Variants in RGS9 observed in about 807,000 individuals in gnomAD.
RGS9 encodes the protein regulator of G-protein signalling 9.
RGS9 carries 78 observed loss-of-function variants against 102.0 expected under a neutral mutation model. The observed-to-expected ratio is 0.76, with a 90% CI of 0.64 to 0.92. The LOEUF is 0.92. Among genes scored for constraint, RGS9 ranks in the 40% least tolerant of loss-of-function variants. The probability of loss-of-function intolerance (pLI) is 0.00; values close to 1 mark genes in which losing one functional copy is unlikely to be tolerated. For synonymous variants in RGS9, 353 were observed against 318.6 expected (o/e 1.11, Z -1.15); for missense variants, 833 against 866.1 (o/e 0.96, Z 0.48).
chr17:65,153,392 C>A, intron 1 of RGS9, 30 bp from the exon 2 acceptor site: 1 of 1,583,528 alleles, frequency 6.3e-7, no homozygotes, highest in Admixed American at 1.7e-5. Flanking sequence ...TTGTTCTCGT[C>A]AGTCGGCTTT....
chr17:65,157,009 C>A (rs1910791973), intron 2 of RGS9, among the ~76,000 whole-genome samples: 1 of 152,146 alleles, frequency 6.6e-6, no homozygotes, highest in African/African-American at 2.4e-5. Flanking sequence ...GTTGTCTACA[C>A]CCAGCCATGG....
chr17:65,175,942 G>A (rs1300160339), intron 8 of RGS9, among the ~76,000 whole-genome samples: 4 of 152,128 alleles, frequency 2.6e-5, no homozygotes, highest in Non-Finnish European at 5.9e-5. Flanking sequence ...GAAATTATTT[G>A]CCATTTATCT....
intron 14 of RGS9, 130 bp from the exon 15 acceptor site, chr17:65,204,033 C>A: frequency 2.0e-6 from 2 of 1,014,994 alleles, no homozygotes; most frequent in Non-Finnish European, 1.5e-6. Context: ...TCTTTAGTGT[C>A]TCCTAAAAAA....
intron 13 of RGS9, among the ~76,000 whole-genome samples, chr17:65,201,480 C>T (rs542958997): frequency 2.7e-4 from 41 of 152,330 alleles, no homozygotes; most frequent in African/African-American, 2.9e-4. Flanking sequence ...GAAGAACTCA[C>T]GCTCAGTCAT....
chr17:65,215,152 A>G (rs979240085), intron 17 of RGS9, among the ~76,000 whole-genome samples: 10 of 152,118 alleles, frequency 6.6e-5, no homozygotes, highest in Non-Finnish European at 1.2e-4. Context: ...CGAGTTAAGA[A>G]GTGGTTGCTG....
At chr17:65,158,051 G>A (rs1283313444) in intron 2 of RGS9, among the ~76,000 whole-genome samples, 4 of 152,144 alleles carry the variant, frequency 2.6e-5, no homozygotes, top group African/African-American at 9.7e-5. Context: ...GTGTATGTAT[G>A]TGTGGGCTGG....
rs751958928 is a variant in RGS9 at position 65,227,611 on chromosome 17, C to A, written c.*204C>A. The A allele has an allele frequency of 1.1e-4, 70 of 658,894 alleles. No homozygotes were observed. The highest frequency in any genetic ancestry group is 1.7e-4 in the Non-Finnish European group (66 of 380,948). 40.8% of individuals were successfully genotyped at this position (658,894 alleles called of 1,614,324 possible). ...CCAACTCCTTCTCCTCTTCCTGACC[C>A]TCCCTCCCCTGGGCAGAAGAAACGC... On this transcript the variant is annotated 3_prime_UTR_variant, in exon 19 of 19. Transcript: ENST00000262406.
At chr17:65,164,779 C>T (rs927470362) in intron 7 of RGS9, among the ~76,000 whole-genome samples, 10 of 152,120 alleles carry the variant, frequency 6.6e-5, no homozygotes, top group African/African-American at 2.2e-4. Context: ...ACATTTGAGG[C>T]GAAACAACAC....
chr17:65,212,467 G>A lies in RGS9; in HGVS notation c.1407+1862G>A, dbSNP rs56355210. On this transcript the variant is annotated intron_variant, in intron 17 of 18. Coordinates refer to ENST00000262406, the MANE Select transcript of RGS9 (RefSeq NM_003835.4). ...AAAGAGTTGGCCATAAGAGCATGTG[G>A]ACCAGGCAGGGAGAACGTTCTGGGG... 2.2e-3 allele frequency among the ~76,000 whole-genome samples: 332 copies of A among 152,326 alleles called. 1 individual carries two copies. Among genetic ancestry groups the A allele is most frequent in the African/African-American group, 7.7e-3 (321 of 41,572 alleles).
intron 1 of RGS9, among the ~76,000 whole-genome samples, chr17:65,142,336 T>C (rs1910188601): frequency 6.6e-6 from 1 of 152,238 alleles, no homozygotes; most frequent in African/African-American, 2.4e-5. Flanking sequence ...CAGAGTTTGA[T>C]GGCTTCTGTG....
chr17:65,145,850 G>A (rs1910338301), intron 1 of RGS9, among the ~76,000 whole-genome samples: 1 of 150,874 alleles, frequency 6.6e-6, no homozygotes, highest in African/African-American at 2.5e-5. Context: ...ACGCCTCAGA[G>A]GAATTTGTAC....
intron 1 of RGS9, among the ~76,000 whole-genome samples, chr17:65,145,125 C>T (rs1031819673): frequency 6.6e-6 from 1 of 152,300 alleles, no homozygotes; most frequent in African/African-American, 2.4e-5. Context: ...GAGTCTCACT[C>T]TGTTGCCCAG....
At chr17:65,189,244 T>C in intron 9 of RGS9, 42 bp from the exon 10 acceptor site, 1 of 1,570,968 alleles carries the variant, frequency 6.4e-7, no homozygotes, top group Non-Finnish European at 8.8e-7. Flanking sequence ...CTGTAATGAT[T>C]TCATGACATC....
intron 17 of RGS9, among the ~76,000 whole-genome samples, chr17:65,220,406 T>G (rs954985348): frequency 6.6e-6 from 1 of 152,178 alleles, no homozygotes; most frequent in Non-Finnish European, 1.5e-5. Flanking sequence ...GTGTAGTGAC[T>G]GGTCAATCCT....
At chr17:65,224,869 C>T in intron 17 of RGS9, 133 bp from the exon 18 acceptor site, 1 of 1,241,952 alleles carries the variant, frequency 8.1e-7, no homozygotes, top group Non-Finnish European at 1.2e-6. Flanking sequence ...TTCCCAGCTC[C>T]CTAGGAGGCA....
intron 8 of RGS9, 102 bp from the exon 9 acceptor site, chr17:65,177,630 C>T: frequency 8.6e-7 from 1 of 1,167,850 alleles, no homozygotes; most frequent in Non-Finnish European, 1.3e-6. Context: ...ACAAGCTCTT[C>T]TCAGCTCAAT....
rs571603669 is a variant in RGS9, at chr17:65,217,792, A to G, written c.1407+7187A>G. Among the ~76,000 whole-genome samples the G allele has an allele frequency of 6.6e-5, 10 of 152,340 alleles. No individual in the cohort carries two copies. In the South Asian group the frequency reaches 2.1e-3, roughly 32 times the overall value. ...AAAAAATTGGAGGGGATCAGACCAA[A>G]GCCAAGATTGGTTTTGGAGAGGAAT... On this transcript the variant is annotated intron_variant, in intron 17 of 18. Coordinates refer to ENST00000262406, the MANE Select transcript of RGS9 (RefSeq NM_003835.4).
chr17:65,139,279 G>C (rs426851), intron 1 of RGS9, among the ~76,000 whole-genome samples: 100 of 137,846 alleles, frequency 7.3e-4, no homozygotes, highest in Admixed American at 9.5e-4. Flanking sequence ...CTTCCACCCC[G>C]GTCTCCCCTC....
At chr17:65,151,642 C>T (rs1286710937) in intron 1 of RGS9, among the ~76,000 whole-genome samples, 1 of 152,212 alleles carries the variant, frequency 6.6e-6, no homozygotes, top group Non-Finnish European at 1.5e-5. Context: ...CCCTTACAGT[C>T]GACCTTCCAA....
Sources: allele counts gnomAD v4.1 joint callset (sites outside exome capture counted in the v4.1 genomes callset), GRCh38; gene constraint gnomAD v4.1.1; transcripts MANE v1.5; gene names NCBI Gene and HGNC (gene_info 2026-07-23, HGNC 2026-07-21).